Variants in GBE1 observed in about 807,000 individuals in gnomAD.
GBE1 encodes 1,4-alpha-glucan-branching enzyme.
In GBE1, 70 loss-of-function variants were observed where a neutral mutation model predicts 88.8. The observed-to-expected ratio is 0.79, with a 90% CI of 0.65 to 0.96. The LOEUF (loss-of-function observed/expected upper bound fraction) is 0.96. Ranked by LOEUF, GBE1 falls within the 40% of genes least tolerant of loss-of-function variation. The pLI is 0.00. For synonymous variants in GBE1, 284 were observed against 300.1 expected, an observed-to-expected ratio of 0.95 and a Z score of 0.56; for missense variants, 872 against 871.0, an observed-to-expected ratio of 1.00 and a Z score of -0.01.
chr3:81,733,074 A>G lies in GBE1; in HGVS notation c.144-27461T>C, dbSNP rs1264359820. The stretch of plus-strand genomic sequence containing the variant: ...TGAATGGCAAAAATAAACACAAAGA[A>G]GCTTCATCTGTATTTATAGCCACTC... On this transcript the variant is annotated intron_variant, in intron 1 of 15. Transcript: ENST00000429644. The surrounding 1 kb of genome is among the most constrained non-coding windows in gnomAD (Gnocchi z 4.0). Among the ~76,000 whole-genome samples, 1 of 152,092 alleles carries G rather than the reference A, an allele frequency of 6.6e-6. No individual in the cohort carries two copies. The highest frequency in any genetic ancestry group is 1.5e-5 in the Non-Finnish European group (1 of 68,012).
chr3:81,510,891 C>T (rs1477956274), intron 14 of GBE1, among the ~76,000 whole-genome samples: 1 of 151,890 alleles, frequency 6.6e-6, no homozygotes, highest in Non-Finnish European at 1.5e-5. Flanking sequence ...CTGCTGAGAG[C>T]TGACCGTAAG....
At chr3:81,532,843 C>G (rs1167300362) in intron 14 of GBE1, among the ~76,000 whole-genome samples, 1 of 152,038 alleles carries the variant, frequency 6.6e-6, no homozygotes, top group Non-Finnish European at 1.5e-5. Flanking sequence ...TTTCTAATAG[C>G]TGAAATGGCT....
chr3:81,740,534 G>A (rs999828101), intron 1 of GBE1, among the ~76,000 whole-genome samples: 4 of 152,000 alleles, frequency 2.6e-5, no homozygotes, highest in Admixed American at 6.6e-5. Context: ...AACGCAGTAC[G>A]GAGAAGAGAA....
intron 7 of GBE1, among the ~76,000 whole-genome samples, chr3:81,614,678 T>C (rs888359031): frequency 6.6e-6 from 1 of 151,782 alleles, no homozygotes; most frequent in African/African-American, 2.4e-5. Flanking sequence ...GCCAACATGG[T>C]GAAAACCCTT....
intron 2 of GBE1, among the ~76,000 whole-genome samples, chr3:81,688,678 T>C (rs1438687528): frequency 6.6e-6 from 1 of 152,094 alleles, no homozygotes; most frequent in Non-Finnish European, 1.5e-5. Flanking sequence ...CTTTTGTTAA[T>C]CTTTTCAATT....
At chr3:81,675,512 A>G (rs541397389) in intron 2 of GBE1, among the ~76,000 whole-genome samples, 8 of 152,198 alleles carry the variant, frequency 5.3e-5, no homozygotes, top group African/African-American at 1.9e-4. Flanking sequence ...ATATACTATT[A>G]TTAGTGTCTA....
chr3:81,675,804 A>T (rs1705244006), intron 2 of GBE1, among the ~76,000 whole-genome samples: 1 of 152,086 alleles, frequency 6.6e-6, no homozygotes, highest in African/African-American at 2.4e-5. Flanking sequence ...TATACGCATA[A>T]ATTATTTTAT....
chr3:81,561,985 G>C (rs1284402634), intron 12 of GBE1, among the ~76,000 whole-genome samples: 1 of 152,030 alleles, frequency 6.6e-6, no homozygotes, highest in East Asian at 1.9e-4. Flanking sequence ...TATTGGTTTC[G>C]TGATCTTTCT....
At chr3:81,725,691 C>T (rs898201952) in intron 1 of GBE1, among the ~76,000 whole-genome samples, 1 of 152,160 alleles carries the variant, frequency 6.6e-6, no homozygotes, top group South Asian at 2.1e-4. Flanking sequence ...TTTTCATCAG[C>T]ATCTCTAGAA....
intron 5 of GBE1, 82 bp downstream of exon 5, chr3:81,648,774 G>A (rs1022193228): frequency 1.3e-6 from 1 of 785,816 alleles, no homozygotes; most frequent in Non-Finnish European, 1.9e-6. Flanking sequence ...ACACAAAAAA[G>A]AGACACTTGT....
chr3:81,708,698 G>A (rs1386554428), intron 1 of GBE1, among the ~76,000 whole-genome samples: 1 of 152,050 alleles, frequency 6.6e-6, no homozygotes, highest in Non-Finnish European at 1.5e-5. Context: ...AGACATCTAT[G>A]TATATAATAA....
At chr3:81,740,789 C>CACACACAT (rs1462923824) in intron 1 of GBE1, among the ~76,000 whole-genome samples, 2 of 151,908 alleles carry the variant, frequency 1.3e-5, no homozygotes, top group African/African-American at 4.8e-5. Context: ...CACACACACA[C>CACACACAT]AATTTATTTA....
intron 1 of GBE1, among the ~76,000 whole-genome samples, chr3:81,753,113 T>C (rs1191546945): frequency 6.6e-6 from 1 of 152,224 alleles, no homozygotes; most frequent in Non-Finnish European, 1.5e-5. Context: ...AGAGCTAAAA[T>C]TTAATTGTAT....
At chr3:81,601,588 G>A (rs1191785747) in intron 7 of GBE1, among the ~76,000 whole-genome samples, 1 of 152,102 alleles carries the variant, frequency 6.6e-6, no homozygotes, top group Non-Finnish European at 1.5e-5. Context: ...AATGGAATGG[G>A]TATAACGTGA....
intron 14 of GBE1, among the ~76,000 whole-genome samples, chr3:81,526,807 C>G (rs372356827): frequency 6.6e-6 from 1 of 152,040 alleles, no homozygotes; most frequent in South Asian, 2.1e-4. Flanking sequence ...AGGTAATTTA[C>G]AGATTCAATG....
intron 7 of GBE1, among the ~76,000 whole-genome samples, chr3:81,638,057 C>T (rs1477141170): frequency 6.6e-6 from 1 of 152,082 alleles, no homozygotes; most frequent in African/African-American, 2.4e-5. Context: ...CTTCCACATA[C>T]TAACTTGTAG....
chr3:81,670,173 C>G (rs1705170117), intron 3 of GBE1, among the ~76,000 whole-genome samples: 1 of 152,192 alleles, frequency 6.6e-6, no homozygotes, highest in Non-Finnish European at 1.5e-5. Flanking sequence ...TGGAACCCAT[C>G]CTTCAGACAT....
intron 1 of GBE1, among the ~76,000 whole-genome samples, chr3:81,737,615 T>C (rs1404103558): frequency 6.6e-6 from 1 of 151,380 alleles, no homozygotes; most frequent in African/African-American, 2.4e-5. Context: ...AGAGAATTTT[T>C]GTATGTGTTG....
chr3:81,667,836 G>A (rs1368252698), intron 3 of GBE1, among the ~76,000 whole-genome samples: 4 of 152,102 alleles, frequency 2.6e-5, no homozygotes, highest in East Asian at 3.8e-4. Flanking sequence ...ATGTGCTGCT[G>A]GATTCGGTTT....
Sources: gnomAD v4.1 joint callset for allele counts (sites outside exome capture counted in the v4.1 genomes callset) on GRCh38, gnomAD v4.1.1 for gene constraint, Gnocchi (gnomAD v3.1) non-coding constraint, MANE v1.5 for transcripts, NCBI Gene and HGNC (gene_info 2026-07-23, HGNC 2026-07-21) for gene names.